ZNF445: variants seen among roughly 807,000 people sequenced by gnomAD.
ZNF445 encodes the protein zinc finger protein 168.
ZNF445 carries 19 observed loss-of-function variants against 93.9 expected under a neutral mutation model. The ratio of observed to expected loss-of-function variants is 0.20; its 90% CI spans 0.14 to 0.30. The LOEUF (loss-of-function observed/expected upper bound fraction) is 0.30. ZNF445 is among the 10% of genes least tolerant of loss of function. The probability of loss-of-function intolerance (pLI) is 1.00; values close to 1 mark genes in which losing one functional copy is unlikely to be tolerated. For missense variants in ZNF445, 1,058 were observed against 1,259.4 expected, an observed-to-expected ratio of 0.84 and a Z score of 2.42; for synonymous variants, 449 against 446.3, an observed-to-expected ratio of 1.01 and a Z score of -0.08.
Position 44,447,106 on chromosome 3 carries a change from A to T in ZNF445, c.2565T>A (p.Leu855=). The T allele has an allele frequency of 1.2e-6, 2 of 1,614,166 alleles. No homozygotes were observed. Among genetic ancestry groups the T allele is most frequent in the Non-Finnish European group, 1.7e-6 (2 of 1,180,036 alleles). ...CACTGTGTATTCCCTTATGATCTAA[A>T]AGGGTTCTTTTACGTGTAAAGGTTT... ...CGKTFTRKRT[L]LDHKGIHSGE... is the part of the protein sequence containing the mutation. Residue 855 remains leucine, a synonymous_variant, in exon 8 of 8, where the codon CTT becomes CTA. Coordinates refer to ENST00000396077, the MANE Select transcript of ZNF445 (RefSeq NM_181489.6). The surrounding 1 kb of genome is among the most constrained non-coding windows in gnomAD (Gnocchi z 4.7).
At chr3:44,454,784 G>A in intron 3 of ZNF445, 1 of 344,144 alleles carries the variant, frequency 2.9e-6, no homozygotes, top group Non-Finnish European at 5.5e-6. Flanking sequence ...TGTCCAGGCT[G>A]GCTTGAACTC....
chr3:44,458,012 CAAAA>C (rs549514697), intron 2 of ZNF445, among the ~76,000 whole-genome samples: 1 of 94,046 alleles, frequency 1.1e-5, no homozygotes. Flanking sequence ...GACTCCGTCT[CAAAA>C]AAAAAAAAAA....
rs1697869646 is a variant in ZNF445, at chr3:44,445,675, T to A, written c.*900A>T. 6.6e-6 allele frequency: 1 copy of A among 152,602 alleles called. No homozygotes were observed. Among genetic ancestry groups the A allele is most frequent in the South Asian group, 2.1e-4 (1 of 4,836 alleles). The allele number at this position is 152,602 out of a possible 1,614,324, so 9.5% of individuals were successfully genotyped here. On this transcript the variant is annotated 3_prime_UTR_variant, in exon 8 of 8. Coordinates refer to ENST00000396077, the MANE Select transcript of ZNF445 (RefSeq NM_181489.6). ...TCACCTTCTCAGTTGAGGCCCTCCC[T>A]GACCAGACTATCTAAAATCACGACT... is the stretch of plus-strand genomic sequence containing the variant.
chr3:44,453,300 T>TA (rs202085789), intron 3 of ZNF445, among the ~76,000 whole-genome samples: 11 of 151,518 alleles, frequency 7.3e-5, no homozygotes, highest in South Asian at 2.1e-4. Flanking sequence ...TTTTTTTTTT[T>TA]TAATTTTTTT....
At chr3:44,450,798 G>A in intron 5 of ZNF445, 70 bp downstream of exon 5, 1 of 1,372,862 alleles carries the variant, frequency 7.3e-7, no homozygotes, top group East Asian at 2.5e-5. Flanking sequence ...ACCCAGGATG[G>A]GGAAGCTGCA....
chr3:44,450,520 C>A lies in ZNF445; in HGVS notation c.747G>T (p.Gly249=). 1 of 1,614,170 alleles carries A rather than the reference C, an allele frequency of 6.2e-7. No homozygotes were observed. Among genetic ancestry groups the A allele is most frequent in the South Asian group, 1.1e-5 (1 of 91,088 alleles). The part of the protein sequence containing the change: ...VEVTFSQDEW[G]WLDSAQRNLY... ...GGTTCCTCTGAGCAGAGTCCAGCCA[C>A]CCCCACTCGTCCTGGGAGAAGGTCA... Residue 249 remains glycine (G), a synonymous_variant, in exon 6 of 8, where the codon GGG becomes GGT. Transcript: ENST00000396077.
chr3:44,468,140 T>C (rs1181038413), intron 1 of ZNF445, among the ~76,000 whole-genome samples: 1 of 152,100 alleles, frequency 6.6e-6, no homozygotes, highest in Non-Finnish European at 1.5e-5. Flanking sequence ...CACGCTGGGG[T>C]TCACTCCCAT....
intron 1 of ZNF445, among the ~76,000 whole-genome samples, chr3:44,473,877 T>C (rs1407574717): frequency 1.3e-5 from 2 of 152,078 alleles, no homozygotes; most frequent in Non-Finnish European, 2.9e-5. Context: ...ATATAACTGA[T>C]TGAATAAATA....
At chr3:44,450,284 C>T (rs1697939131) in intron 6 of ZNF445, 163 bp downstream of exon 6, 1 of 804,070 alleles carries the variant, frequency 1.2e-6, no homozygotes, top group Admixed American at 2.4e-5. Flanking sequence ...ATTATTCTCC[C>T]CATTTTTCAA....
In ZNF445 at chr3:44,447,193, A is replaced by C. The variant is rs770365513; in HGVS notation, c.2478T>G (p.Thr826=). The C allele has an allele frequency of 6.2e-7, 1 of 1,614,158 alleles. No homozygotes were observed. The highest frequency in any genetic ancestry group is 8.5e-7 in the Non-Finnish European group (1 of 1,180,030). The change falls in exon 8 of 8, where the codon ACT becomes ACG. Residue 826 remains threonine (T), a synonymous_variant. Coordinates refer to ENST00000396077, the MANE Select transcript of ZNF445 (RefSeq NM_181489.6). The surrounding 1 kb of genome is among the most constrained non-coding windows in gnomAD (Gnocchi z 4.7). ...KQYDCHESEK[T]PNVEPKILTG... Reference sequence around the variant, plus strand: ...TGAGGATTTTTGGCTCCACATTTGGAGTCTTTTCACTTTCATGGCAATCAT... The same window carrying C: ...TGAGGATTTTTGGCTCCACATTTGGCGTCTTTTCACTTTCATGGCAATCAT...
rs751065216 is a variant in ZNF445, at chr3:44,442,412, A to T, written c.*4163T>A. ...CAAGATTTTGCAAATTGCCTGGCACAATATTTCTCACAATTTCTACTCATA... is the reference window on the plus strand; with the variant it reads ...CAAGATTTTGCAAATTGCCTGGCACTATATTTCTCACAATTTCTACTCATA... On this transcript the variant is annotated 3_prime_UTR_variant, in exon 8 of 8. Transcript: ENST00000396077. 1 of 152,234 alleles carries T rather than the reference A, an allele frequency of 6.6e-6. No homozygotes were observed. The highest frequency in any genetic ancestry group is 1.5e-5 in the Non-Finnish European group (1 of 68,044). The allele number at this position is 152,234 out of a possible 1,614,324, so 9.4% of individuals were successfully genotyped here. A position where few individuals can be genotyped will look rare whatever the true frequency, so the allele number is the denominator to read the frequency against.
intron 1 of ZNF445, among the ~76,000 whole-genome samples, chr3:44,467,673 A>G (rs1698213365): frequency 6.6e-6 from 1 of 152,198 alleles, no homozygotes; most frequent in African/African-American, 2.4e-5. Flanking sequence ...CCAACTTAAA[A>G]AGCCTAAGTG....
intron 1 of ZNF445, among the ~76,000 whole-genome samples, chr3:44,467,378 C>T (rs898614907): frequency 6.6e-6 from 1 of 152,146 alleles, no homozygotes; most frequent in African/African-American, 2.4e-5. Flanking sequence ...AGAAATCATG[C>T]TTCCTTTAAA....
Position 44,447,710 on chromosome 3 carries a change from T to C in ZNF445, c.1961A>G (p.Lys654Arg). The C allele has an allele frequency of 6.2e-7, 1 of 1,614,210 alleles. No individual in the cohort carries two copies. Among genetic ancestry groups the C allele is most frequent in the Non-Finnish European group, 8.5e-7 (1 of 1,180,048 alleles). The change falls in exon 8 of 8, where the codon AAA becomes AGA. Residue 654 changes from lysine to arginine, a missense_variant. Lys to Arg is a conservative substitution (Grantham distance 26). This residue lies in a region of ZNF445 where 387 missense variants were observed against 475.7 expected (regional missense o/e 0.81). Coordinates refer to ENST00000396077, the MANE Select transcript of ZNF445 (RefSeq NM_181489.6). This position sits in a 1 kb window ranked among gnomAD's most constrained non-coding sequence, Gnocchi z 4.7. ...GAAGCCTTCACGACATTCATCTTGTTTGTAGAATTTTTCCTCCTCATGCAA... is the reference window on the plus strand; with the variant it reads ...GAAGCCTTCACGACATTCATCTTGTCTGTAGAATTTTTCCTCCTCATGCAA... ...MRLHEEEKFYKQDECREGFRQ... is the reference protein window; with the variant it reads ...MRLHEEEKFYRQDECREGFRQ...
chr3:44,473,566 T>C (rs1698302906), intron 1 of ZNF445, among the ~76,000 whole-genome samples: 1 of 151,444 alleles, frequency 6.6e-6, no homozygotes, highest in South Asian at 2.1e-4. Context: ...AATAAACTAA[T>C]AATGGGAGTG....
At chr3:44,461,881 G>A (rs1051575573) in intron 1 of ZNF445, among the ~76,000 whole-genome samples, 14 of 152,102 alleles carry the variant, frequency 9.2e-5, no homozygotes, top group African/African-American at 2.2e-4. Flanking sequence ...CAGCTATGGC[G>A]CAGTGAGCAG....
At chr3:44,462,021 GGGTAAAT>G (rs1025088784) in intron 1 of ZNF445, among the ~76,000 whole-genome samples, 1 of 151,596 alleles carries the variant, frequency 6.6e-6, no homozygotes, top group African/African-American at 2.4e-5. Context: ...CTCTCTGTCT[GGGTAAAT>G]GGTAAATGTC....
chr3:44,466,912 C>CAATTTTGGT (rs1698203941), intron 1 of ZNF445, among the ~76,000 whole-genome samples: 1 of 152,156 alleles, frequency 6.6e-6, no homozygotes, highest in South Asian at 2.1e-4. Flanking sequence ...TTGCTGTATG[C>CAATTTTGGT]CACAGAAGTA....
In ZNF445 at chr3:44,442,978, G is replaced by A. The variant is rs1697829802; in HGVS notation, c.*3597C>T. 2 of 152,218 alleles carry A rather than the reference G, an allele frequency of 1.3e-5. No individual in the cohort carries two copies. Among genetic ancestry groups the A allele is most frequent in the African/African-American group, 4.8e-5 (2 of 41,444 alleles). The allele number at this position is 152,218 out of a possible 1,614,324, so 9.4% of individuals were successfully genotyped here. On this transcript the variant is annotated 3_prime_UTR_variant, in exon 8 of 8. Coordinates refer to ENST00000396077, the MANE Select transcript of ZNF445 (RefSeq NM_181489.6). ...AACAGATAAATAAGCACCCAACCCT[G>A]GCTTCCAGAGTGCTTGGTCTGGCTA... is the stretch of plus-strand genomic sequence containing the variant.
Sources: allele counts gnomAD v4.1 joint callset (sites outside exome capture counted in the v4.1 genomes callset), GRCh38; gene constraint gnomAD v4.1.1; regional missense constraint gnomAD v4.1.1; non-coding constraint Gnocchi (gnomAD v3.1); transcripts MANE v1.5; gene names NCBI Gene and HGNC (gene_info 2026-07-23, HGNC 2026-07-21).